The following GAS2 variants were observed in gnomAD, a reference collection of about 807,000 sequenced individuals.
The protein encoded by GAS2 is growth arrest-specific protein 2.
In GAS2, 20 loss-of-function variants were observed where a neutral mutation model predicts 37.5. The observed-to-expected ratio is 0.53, with a 90% confidence interval of 0.37 to 0.77. GAS2 has a LOEUF of 0.77. GAS2 is among the 30% of genes least tolerant of loss of function. GAS2 has a pLI of 0.00. For synonymous variants in GAS2, 144 were observed against 132.2 expected, an observed-to-expected ratio of 1.09 and a Z score of -0.61; for missense variants, 336 against 373.4, an observed-to-expected ratio of 0.90 and a Z score of 0.82.
At chr11:22,667,106 A>G (rs527844535) in intron 1 of GAS2, 1 of 152,256 alleles carries the variant, frequency 6.6e-6, no homozygotes, top group African/African-American at 2.4e-5. Flanking sequence ...AAGAGTGGGT[A>G]TTCACTGCAG....
intron 3 of GAS2, among the ~76,000 whole-genome samples, chr11:22,698,698 T>C (rs916067755): frequency 1.3e-5 from 2 of 152,024 alleles, no homozygotes; most frequent in Non-Finnish European, 2.9e-5. Context: ...ATCCCTGGGA[T>C]GCAAGGCTGG....
chr11:22,803,078 C>T (rs925335124), intron 7 of GAS2, among the ~76,000 whole-genome samples: 9 of 152,170 alleles, frequency 5.9e-5, no homozygotes, highest in South Asian at 2.1e-4. Context: ...CTCATTGTTA[C>T]GTGTTGCACA....
At chr11:22,797,834 A>G (rs1003749007) in intron 7 of GAS2, among the ~76,000 whole-genome samples, 4 of 152,094 alleles carry the variant, frequency 2.6e-5, no homozygotes, top group African/African-American at 9.7e-5. Flanking sequence ...AATTGTTCCA[A>G]GCATGTAAAG....
At chr11:22,706,415 CGCTGGT>C (rs1157936987) in intron 3 of GAS2, among the ~76,000 whole-genome samples, 1 of 151,696 alleles carries the variant, frequency 6.6e-6, no homozygotes, top group African/African-American at 2.4e-5. Flanking sequence ...ACATGTGCCA[CGCTGGT>C]GCACTGCACC....
chr11:22,722,688 C>T (rs1852004344), intron 3 of GAS2, among the ~76,000 whole-genome samples: 2 of 151,768 alleles, frequency 1.3e-5, no homozygotes, highest in Non-Finnish European at 2.9e-5. Flanking sequence ...ATTTTGAAGG[C>T]CCTGGGAACA....
intron 1 of GAS2, among the ~76,000 whole-genome samples, chr11:22,652,244 G>A (rs1033636474): frequency 2.0e-5 from 3 of 152,172 alleles, no homozygotes; most frequent in Non-Finnish European, 4.4e-5. Flanking sequence ...GGGTCAGGGG[G>A]TCAGGGACCC....
chr11:22,639,283 C>T (rs1858880564), intron 1 of GAS2, among the ~76,000 whole-genome samples: 1 of 152,072 alleles, frequency 6.6e-6, no homozygotes, highest in Non-Finnish European at 1.5e-5. Flanking sequence ...GGTTAGTTAG[C>T]CCAGGAGTAG....
chr11:22,739,249 GA>G (rs1363100233), intron 5 of GAS2, among the ~76,000 whole-genome samples: 4 of 152,116 alleles, frequency 2.6e-5, no homozygotes, highest in Non-Finnish European at 5.9e-5. Context: ...TAAGTCAAGT[GA>G]AAACCAAGGA....
At chr11:22,653,586 A>T (rs1356969851) in intron 1 of GAS2, among the ~76,000 whole-genome samples, 1 of 152,228 alleles carries the variant, frequency 6.6e-6, no homozygotes, top group Non-Finnish European at 1.5e-5. Flanking sequence ...TTATTCTTTC[A>T]ATCAATACTT....
intron 7 of GAS2, among the ~76,000 whole-genome samples, chr11:22,785,965 T>C (rs1292420030): frequency 6.6e-6 from 1 of 152,122 alleles, no homozygotes; most frequent in African/African-American, 2.4e-5. Flanking sequence ...CATGAAAGGA[T>C]ATAATAAATT....
At chr11:22,704,588 CAT>C (rs3049395) in intron 3 of GAS2, among the ~76,000 whole-genome samples, 3,109 of 90,364 alleles carry the variant, frequency 0.034, 92 homozygotes, top group African/African-American at 0.1. Flanking sequence ...TGAAAATAAA[CAT>C]ATATATATAT....
intron 7 of GAS2, among the ~76,000 whole-genome samples, chr11:22,789,684 C>A (rs1590134034): frequency 6.6e-6 from 1 of 151,032 alleles, no homozygotes; most frequent in Non-Finnish European, 1.5e-5. Flanking sequence ...CCAGAATGGT[C>A]GCGATCTCCT....
chr11:22,747,532 G>C (rs1853476358), intron 5 of GAS2, among the ~76,000 whole-genome samples: 1 of 151,938 alleles, frequency 6.6e-6, no homozygotes, highest in Non-Finnish European at 1.5e-5. Flanking sequence ...CTCTCAAAGG[G>C]CTCCTAACAC....
chr11:22,705,182 A>G (rs1218180108), intron 3 of GAS2, among the ~76,000 whole-genome samples: 3 of 152,090 alleles, frequency 2.0e-5, no homozygotes, highest in Non-Finnish European at 4.4e-5. Flanking sequence ...GATCTCATTT[A>G]TTGTAACTTT....
chr11:22,748,736 A>AT (rs1226770411), intron 5 of GAS2, among the ~76,000 whole-genome samples: 2 of 152,048 alleles, frequency 1.3e-5, no homozygotes, highest in African/African-American at 2.4e-5. Context: ...TTGTATTTCT[A>AT]TTTTTAACAA....
intron 3 of GAS2, among the ~76,000 whole-genome samples, chr11:22,723,554 C>A (rs1565110209): frequency 6.6e-6 from 1 of 151,894 alleles, no homozygotes; most frequent in Non-Finnish European, 1.5e-5. Flanking sequence ...TTCTTCAGTG[C>A]AAAATGGATA....
At chr11:22,793,241 T>C (rs566935395) in intron 7 of GAS2, among the ~76,000 whole-genome samples, 4 of 152,050 alleles carry the variant, frequency 2.6e-5, no homozygotes, top group Non-Finnish European at 4.4e-5. Flanking sequence ...GCCACTGCAC[T>C]CCAGCCTGGA....
chr11:22,651,842 A>G (rs1457909543), intron 1 of GAS2, among the ~76,000 whole-genome samples: 1 of 152,126 alleles, frequency 6.6e-6, no homozygotes, highest in Non-Finnish European at 1.5e-5. Flanking sequence ...CAAAGTTTTC[A>G]ACTTCTTTGC....
At chr11:22,702,461 C>A (rs1850891788) in intron 3 of GAS2, 1 of 151,972 alleles carries the variant, frequency 6.6e-6, no homozygotes, top group African/African-American at 2.4e-5. Context: ...GAGTATAGGC[C>A]CTAGCAAAAT....
Sources: allele counts gnomAD v4.1 joint callset (sites outside exome capture counted in the v4.1 genomes callset), GRCh38; gene constraint gnomAD v4.1.1; transcripts MANE v1.5; gene names NCBI Gene and HGNC (gene_info 2026-07-23, HGNC 2026-07-21).